The following TIPIN variants were observed in gnomAD, a reference collection of about 807,000 sequenced individuals.
TIPIN encodes the protein TIMELESS-interacting protein.
TIPIN carries 29 observed loss-of-function variants against 35.6 expected under a neutral mutation model. That is an observed-to-expected ratio of 0.82 (90% CI 0.61 to 1.11). The LOEUF (loss-of-function observed/expected upper bound fraction) is 1.11. TIPIN is among the 50% of genes most tolerant of loss of function. The pLI, the probability that TIPIN is intolerant of heterozygous loss-of-function variation, is 0.00. For synonymous variants in TIPIN, 102 were observed against 121.5 expected (o/e 0.84, Z 1.06); for missense variants, 296 against 345.4 (o/e 0.86, Z 1.13).
intron 1 of TIPIN, among the ~76,000 whole-genome samples, chr15:66,383,250 A>G (rs1486707980): frequency 6.6e-6 from 1 of 151,102 alleles, no homozygotes; most frequent in Non-Finnish European, 1.5e-5. Flanking sequence ...ATAATAGATT[A>G]CTTTGAAAAG....
chr15:66,380,019 TGAGACGGA>T (rs2093312779), intron 1 of TIPIN: 6 of 567,320 alleles, frequency 1.1e-5, no homozygotes, highest in Non-Finnish European at 1.7e-5. Context: ...TTTTTTTTTT[TGAGACGGA>T]GTCTCGCTCT....
chr15:66,342,145 C>T (rs1249473802), intron 6 of TIPIN, among the ~76,000 whole-genome samples: 2 of 139,942 alleles, frequency 1.4e-5, no homozygotes, highest in East Asian at 4.6e-4. Flanking sequence ...AGCAAGATTG[C>T]GCCACTGCAC....
rs534619874 is a variant in TIPIN, at chr15:66,336,885, G to A, written c.*73C>T. 4 of 1,333,730 alleles carry A rather than the reference G, an allele frequency of 3.0e-6. No homozygotes were observed. The East Asian group carries it at 6.9e-5, about 23-fold the overall frequency. The allele number at this position is 1,333,730 out of a possible 1,614,324, so 82.6% of individuals were successfully genotyped here. A position where few individuals can be genotyped will look rare whatever the true frequency, so the allele number is the denominator to read the frequency against. ...TACTATCTAAGGATTTTCACTCCAAGAAGAAAAAATACATAGTAACGCCAA... is the reference window on the plus strand; with the variant it reads ...TACTATCTAAGGATTTTCACTCCAAAAAGAAAAAATACATAGTAACGCCAA... On this transcript the variant is annotated 3_prime_UTR_variant, in exon 8 of 8. Coordinates refer to ENST00000261881, the MANE Select transcript of TIPIN (RefSeq NM_017858.3).
At chr15:66,344,445 A>G (rs2093109547) in intron 6 of TIPIN, among the ~76,000 whole-genome samples, 1 of 152,182 alleles carries the variant, frequency 6.6e-6, no homozygotes, top group African/African-American at 2.4e-5. Context: ...AAAAAAAGCA[A>G]AAAACTACTT....
chr15:66,360,409 C>T (rs1230566781), upstream of TIPIN, among the ~76,000 whole-genome samples: 1 of 152,048 alleles, frequency 6.6e-6, no homozygotes, highest in East Asian at 1.9e-4. Context: ...AGTCCCGGAC[C>T]AGCCTGGGCA....
At position 66,354,876 on chromosome 15, in the gene TIPIN, T is replaced by C. The variant is rs547115386; in HGVS notation, c.-9+1763A>G. Among the ~76,000 whole-genome samples the C allele has an allele frequency of 7.6e-4, 116 of 152,304 alleles. 1 individual carries two copies. Among genetic ancestry groups the C allele is most frequent in the African/African-American group, 2.6e-3 (109 of 41,570 alleles). On this transcript the variant is annotated intron_variant, in intron 1 of 7. Transcript: ENST00000261881. ...TCAAGTACAAGTGTCATGGCACTTA[T>C]CCAGTTTCAATATCAGGTTTTATTT...
Position 66,352,861 on chromosome 15 carries a change from T to G in TIPIN, c.87A>C (p.Pro29=), listed in dbSNP as rs531801225. 22 of 1,613,814 alleles carry G rather than the reference T, an allele frequency of 1.4e-5. No individual in the cohort carries two copies. Among genetic ancestry groups the G allele is most frequent in the African/African-American group, 9.3e-5 (7 of 75,024 alleles). The change falls in exon 2 of 8, where the codon CCA becomes CCC. Residue 29 remains proline, a synonymous_variant. Coordinates refer to ENST00000261881, the MANE Select transcript of TIPIN (RefSeq NM_017858.3). ...CACCATCTTGTCTCTCTGGAGAGGC[T>G]GGAGGTGGGAAAGGAGGAAAAGTTT... ...EDETFPPFPP[P]ASPERQDGEG...
intron 1 of TIPIN, among the ~76,000 whole-genome samples, chr15:66,382,454 T>C (rs1231567217): frequency 6.6e-6 from 1 of 152,190 alleles, no homozygotes; most frequent in Non-Finnish European, 1.5e-5. Flanking sequence ...CATGGCTCAC[T>C]GCAGCCTTGA....
chr15:66,363,759 G>C (rs1349114299), intron 1 of TIPIN, among the ~76,000 whole-genome samples: 2 of 151,682 alleles, frequency 1.3e-5, no homozygotes, highest in Non-Finnish European at 2.9e-5. Flanking sequence ...AAGGTGGGTG[G>C]ATCACGAGGT....
intron 6 of TIPIN, 46 bp from the exon 7 acceptor site, chr15:66,341,402 G>C: frequency 6.6e-7 from 1 of 1,515,402 alleles, no homozygotes; most frequent in Non-Finnish European, 8.9e-7. Flanking sequence ...AGACTAGTTA[G>C]AGAAGGGCTT....
intron 1 of TIPIN, among the ~76,000 whole-genome samples, chr15:66,363,328 T>C (rs1349866961): frequency 6.7e-6 from 1 of 150,202 alleles, no homozygotes; most frequent in Non-Finnish European, 1.5e-5. Context: ...GCCAACATGG[T>C]GAAACGCCGT....
At chr15:66,380,683 C>T (rs1010975838) in intron 1 of TIPIN, among the ~76,000 whole-genome samples, 5 of 151,980 alleles carry the variant, frequency 3.3e-5, no homozygotes, top group African/African-American at 4.8e-5. Context: ...GGCGTGGTGG[C>T]GGGTGCCTGT....
chr15:66,351,697 G>T, intron 3 of TIPIN, 97 bp from the exon 4 acceptor site: 1 of 1,007,644 alleles, frequency 9.9e-7, no homozygotes, highest in Non-Finnish European at 1.5e-6. Context: ...GGATGCGGTG[G>T]CGCGATCTCG....
chr15:66,348,800 C>G lies in TIPIN; in HGVS notation c.475+260G>C, dbSNP rs533022642. On this transcript the variant is annotated intron_variant, in intron 6 of 7. Transcript: ENST00000261881. ...ATCTCTACAAAAATTTTAAAATTAG[C>G]CAGGCACAATGGCATGCACCTGCAG... is the stretch of plus-strand genomic sequence containing the variant. Among the ~76,000 whole-genome samples the G allele has an allele frequency of 3.0e-4, 45 of 152,096 alleles. No individual in the cohort carries two copies. In the South Asian group the frequency reaches 8.1e-3, roughly 27 times the overall value.
At chr15:66,338,343 T>C (rs1406981394) in intron 7 of TIPIN, among the ~76,000 whole-genome samples, 1 of 152,170 alleles carries the variant, frequency 6.6e-6, no homozygotes, top group African/African-American at 2.4e-5. Flanking sequence ...TAAGAAACTT[T>C]AAAGTACTTA....
At chr15:66,339,561 A>G (rs1474191527) in intron 7 of TIPIN, among the ~76,000 whole-genome samples, 1 of 152,124 alleles carries the variant, frequency 6.6e-6, no homozygotes, top group East Asian at 1.9e-4. Context: ...CAAACCCACA[A>G]TGTGTGTTAA....
chr15:66,340,486 CTTTA>C (rs2093078647), intron 7 of TIPIN, among the ~76,000 whole-genome samples: 1 of 151,354 alleles, frequency 6.6e-6, no homozygotes. Flanking sequence ...CTATTTTTTT[CTTTA>C]TTTATTGTTA....
In TIPIN at chr15:66,351,556, T is replaced by C; in HGVS notation, c.257A>G (p.Asp86Gly). ...ACCTTTACCTTTGAATTTTGCCTTA[T>C]CAAATACATGCCTTAAGGCTGGAAG... is the stretch of plus-strand genomic sequence containing the variant. ...RGLPALRHVFDKAKFKGKGHE... is the reference protein window; with the variant it reads ...RGLPALRHVFGKAKFKGKGHE... Residue 86 changes from aspartate to glycine, a missense_variant, in exon 4 of 8, where the codon GAT becomes GGT. Physicochemically the swap from Asp to Gly is moderately conservative, Grantham distance 94. Coordinates refer to ENST00000261881, the MANE Select transcript of TIPIN (RefSeq NM_017858.3). 6.2e-7 allele frequency: 1 copy of C among 1,613,570 alleles called. No homozygotes were observed. Among genetic ancestry groups the C allele is most frequent in the Non-Finnish European group, 8.5e-7 (1 of 1,179,728 alleles).
At chr15:66,356,845 A>C (rs371370507), upstream of TIPIN, 1 of 452,006 alleles carries the variant, frequency 2.2e-6, no homozygotes, top group Non-Finnish European at 2.9e-6. Context: ...TTTCCGCCCT[A>C]CTGAATTCTT....
Sources: allele counts gnomAD v4.1 joint callset (sites outside exome capture counted in the v4.1 genomes callset), GRCh38; gene constraint gnomAD v4.1.1; transcripts MANE v1.5; gene names NCBI Gene and HGNC (gene_info 2026-07-23, HGNC 2026-07-21).